Variants in NUF2 observed in about 807,000 individuals in gnomAD.
NUF2 encodes NUF2 component of NDC80 kinetochore complex, also known as kinetochore protein Nuf2.
Under a neutral mutation model 61.8 loss-of-function variants are expected in NUF2, and 34 were observed. The ratio of observed to expected loss-of-function variants is 0.55; its 90% CI spans 0.42 to 0.73. The LOEUF (loss-of-function observed/expected upper bound fraction) is 0.73, where lower values mean the gene tolerates loss of function less well. Ranked by LOEUF, NUF2 falls within the 30% of genes least tolerant of loss-of-function variation. The probability of loss-of-function intolerance (pLI) is 0.00; values close to 1 mark genes in which losing one functional copy is unlikely to be tolerated. For missense variants in NUF2, 445 were observed against 539.1 expected, an observed-to-expected ratio of 0.83 and a Z score of 1.73; for synonymous variants, 172 against 181.6, an observed-to-expected ratio of 0.95 and a Z score of 0.42.
At chr1:163,327,889 T>G in intron 3 of NUF2, 1 of 361,576 alleles carries the variant, frequency 2.8e-6, no homozygotes, top group East Asian at 4.8e-5. Context: ...CATATTGTTC[T>G]CTTTTCAGGA....
chr1:163,324,544 G>A (rs10917725), intron 1 of NUF2, among the ~76,000 whole-genome samples: 63,231 of 152,000 alleles, frequency 0.42, 13,537 homozygotes, highest in South Asian at 0.59. Flanking sequence ...GAAATAGATT[G>A]TCAGAATTGT....
In NUF2 at chr1:163,327,483, T is replaced by C; in HGVS notation, c.124-5T>C. 1 of 1,594,030 alleles carries C rather than the reference T, an allele frequency of 6.3e-7. No homozygotes were observed. Among genetic ancestry groups the C allele is most frequent in the Non-Finnish European group, 8.6e-7 (1 of 1,162,682 alleles). On this transcript the variant is annotated splice_polypyrimidine_tract_variant and splice_region_variant and intron_variant, in intron 2 of 13. Transcript: ENST00000271452. ...CGGAGTATTCAAAGTTGTTTTTTGC[T>C]GTAGCCTGAAGTCTTGCACATGATC...
chr1:163,353,239 C>G (rs1651381830), intron 13 of NUF2, among the ~76,000 whole-genome samples: 1 of 134,042 alleles, frequency 7.5e-6, no homozygotes, highest in African/African-American at 2.7e-5. Context: ...GCTACTTATA[C>G]AAAGTACCCA....
chr1:163,339,808 T>C (rs925361190), intron 8 of NUF2, among the ~76,000 whole-genome samples: 1 of 152,132 alleles, frequency 6.6e-6, no homozygotes, highest in African/African-American at 2.4e-5. Flanking sequence ...ATCTTAAATT[T>C]TCAAGGGAAC....
rs146902927 is a variant in NUF2, at chr1:163,353,619, C to T, written c.1261-1716C>T. ...TGACTTTAAAAATATTTAACTTCAA[C>T]GAGGCCATCACAGTAAAACTTATTA... On this transcript the variant is annotated intron_variant, in intron 13 of 13. Transcript: ENST00000271452. Among the ~76,000 whole-genome samples the T allele has an allele frequency of 9.9e-4, 150 of 152,216 alleles. 1 individual carries two copies. The highest frequency in any genetic ancestry group is 3.4e-3 in the African/African-American group (142 of 41,532).
At chr1:163,327,651 G>C (rs1322954053) in intron 3 of NUF2, 89 bp downstream of exon 3, 2 of 777,660 alleles carry the variant, frequency 2.6e-6, no homozygotes. Context: ...ATGCATACTG[G>C]CTTTTAGGAT....
chr1:163,324,853 C>A (rs796401889), intron 1 of NUF2, among the ~76,000 whole-genome samples: 11 of 151,442 alleles, frequency 7.3e-5, no homozygotes, highest in African/African-American at 2.2e-4. Context: ...AGTATTATAA[C>A]AGGGGTAAAT....
chr1:163,338,504 T>C (rs892638300), intron 7 of NUF2, among the ~76,000 whole-genome samples: 1 of 152,094 alleles, frequency 6.6e-6, no homozygotes, highest in Non-Finnish European at 1.5e-5. Context: ...ACTTATAGGT[T>C]ATGTAGGGAA....
In NUF2 at chr1:163,328,278, AC is replaced by A; in HGVS notation, c.251del (p.Pro84HisfsTer5). The A allele has an allele frequency of 6.2e-7, 1 of 1,607,156 alleles. No homozygotes were observed. Among genetic ancestry groups the A allele is most frequent in the Non-Finnish European group, 8.5e-7 (1 of 1,175,794 alleles). ...MYPHLMEGFL[P>X]FSNLVTHLDS... ...ATCCACATTTAATGGAAGGCTTCTT[AC>A]CATTCAGCAATTTAGTTACTCATCT... On this transcript the variant is annotated frameshift_variant, in exon 4 of 14. Coordinates refer to ENST00000271452, the MANE Select transcript of NUF2 (RefSeq NM_145697.3). LOFTEE classifies it high-confidence loss of function.
At position 163,347,945 on chromosome 1, in the gene NUF2, AGTT is replaced by A. The variant is rs752657252; in HGVS notation, c.1124+11_1124+13del. The A allele has an allele frequency of 1.2e-5, 18 of 1,486,886 alleles. No homozygotes were observed. Among genetic ancestry groups the A allele is most frequent in the Middle Eastern group, 1.8e-4 (1 of 5,548 alleles). The allele number at this position is 1,486,886 out of a possible 1,614,324, so 92.1% of individuals were successfully genotyped here. On this transcript the variant is annotated splice_region_variant and intron_variant, in intron 12 of 13. Coordinates refer to ENST00000271452, the MANE Select transcript of NUF2 (RefSeq NM_145697.3). ...ACAAACGCACAGTAATTGAGTATGG[AGTT>A]GTTTTCAATTTTAGTGTATTAGAAA...
chr1:163,351,476 G>T (rs1651316194), intron 13 of NUF2, among the ~76,000 whole-genome samples: 1 of 152,128 alleles, frequency 6.6e-6, no homozygotes, highest in Admixed American at 6.5e-5. Flanking sequence ...CTATCATTCT[G>T]TCTTCCACCT....
At chr1:163,327,875 T>G (rs971130683) in intron 3 of NUF2, 1 of 376,254 alleles carries the variant, frequency 2.7e-6, no homozygotes, top group Non-Finnish European at 4.7e-6. Flanking sequence ...AATAGCTAAG[T>G]CTTCATATTG....
At position 163,336,768 on chromosome 1, in the gene NUF2, C is replaced by A. The variant is rs755226490; in HGVS notation, c.355C>A (p.Arg119=). The change falls in exon 6 of 14, where the codon CGG becomes AGG. Residue 119 remains arginine (R), a synonymous_variant. Transcript: ENST00000271452. ...TATTTTAGAAGCAAAACGGACAAGT[C>A]GGTTTTTAAGTGGCATTATCAACTT... ...ILCPKAKRTS[R]FLSGIINFIH... is the part of the protein sequence containing the mutation. The A allele has an allele frequency of 6.2e-7, 1 of 1,611,176 alleles. No individual in the cohort carries two copies. The highest frequency in any genetic ancestry group is 1.7e-5 in the Admixed American group (1 of 59,964).
intron 1 of NUF2, among the ~76,000 whole-genome samples, chr1:163,324,901 T>TTTC (rs60987345): frequency 7.4e-3 from 591 of 80,218 alleles, no homozygotes; most frequent in African/African-American, 0.02. Flanking sequence ...CTTTTCTTTC[T>TTTC]TTTTTTTTTT....
chr1:163,347,637 T>C (rs2292271), intron 11 of NUF2, 126 bp from the exon 12 acceptor site: 408,618 of 670,176 alleles, frequency 0.61, 126,589 homozygotes, highest in South Asian at 0.67. Context: ...GACTTTCAGG[T>C]TTTAAAGAGT....
In NUF2 at chr1:163,343,880, C is replaced by A. The variant is rs754535667; in HGVS notation, c.807+10C>A. 3.6e-6 allele frequency: 5 copies of A among 1,377,152 alleles called. No individual in the cohort carries two copies. The East Asian group carries it at 1.1e-4, about 30-fold the overall frequency. 85.3% of individuals were successfully genotyped at this position (1,377,152 alleles called of 1,614,324 possible). On this transcript the variant is annotated intron_variant, in intron 10 of 13. Coordinates refer to ENST00000271452, the MANE Select transcript of NUF2 (RefSeq NM_145697.3). ...GCTTAAAAATGCCAGAGTGAGTTTT[C>A]TTTTTATTTTAATGCTTTTGTATCT... is the stretch of plus-strand genomic sequence containing the variant.
intron 13 of NUF2, among the ~76,000 whole-genome samples, chr1:163,353,243 G>T (rs1228817688): frequency 7.9e-6 from 1 of 126,560 alleles, no homozygotes. Context: ...CTTATACAAA[G>T]TACCCAATAA....
chr1:163,325,930 G>A, intron 1 of NUF2, 102 bp from the exon 2 acceptor site: 1 of 780,324 alleles, frequency 1.3e-6, no homozygotes, highest in South Asian at 1.7e-5. Context: ...ACACTACTAT[G>A]AATAGTTCAA....
intron 3 of NUF2, 108 bp from the exon 4 acceptor site, chr1:163,328,120 G>GT: frequency 1.5e-6 from 1 of 662,392 alleles, no homozygotes; most frequent in Middle Eastern, 3.2e-4. Context: ...ATGTATTAAG[G>GT]TTTTTAATTT....
Sources: gnomAD v4.1 joint callset for allele counts (sites outside exome capture counted in the v4.1 genomes callset) on GRCh38, gnomAD v4.1.1 for gene constraint, MANE v1.5 for transcripts, NCBI Gene and HGNC (gene_info 2026-07-23, HGNC 2026-07-21) for gene names.